Variants in LRRTM4 observed in about 807,000 individuals in gnomAD.
LRRTM4 encodes the protein leucine-rich repeat transmembrane neuronal protein 4.
In LRRTM4, 25 loss-of-function variants were observed where a neutral mutation model predicts 47.6. That is an observed-to-expected ratio of 0.53 (90% confidence interval 0.38 to 0.73). The LOEUF (loss-of-function observed/expected upper bound fraction) is 0.73, where lower values mean the gene tolerates loss of function less well. LRRTM4 is among the 30% of genes least tolerant of loss of function. LRRTM4 has a pLI of 0.00. For synonymous variants in LRRTM4, 311 were observed against 269.5 expected (o/e 1.15, Z -1.51); for missense variants, 638 against 713.4 (o/e 0.89, Z 1.20).
At chr2:77,327,798 G>A (rs1670832634) in intron 3 of LRRTM4, among the ~76,000 whole-genome samples, 1 of 151,790 alleles carries the variant, frequency 6.6e-6, no homozygotes, top group Admixed American at 6.6e-5. Context: ...AAAAATGTAA[G>A]TATGACTTAG....
At chr2:76,749,060 AATG>A (rs977774166) in intron 3 of LRRTM4, 144 bp from the exon 4 acceptor site, 16 of 649,794 alleles carry the variant, frequency 2.5e-5, no homozygotes, top group East Asian at 8.2e-5. Context: ...ACATTAACAA[AATG>A]ATGATTACTA....
intron 3 of LRRTM4, among the ~76,000 whole-genome samples, chr2:76,753,538 ATTTT>A (rs1035755055): frequency 1.3e-5 from 2 of 152,026 alleles, no homozygotes; most frequent in African/African-American, 4.8e-5. Context: ...CAGCTCGAGT[ATTTT>A]TTTCTTCAAA....
At chr2:76,839,796 TTTTA>T (rs1346312145) in intron 3 of LRRTM4, among the ~76,000 whole-genome samples, 1 of 152,148 alleles carries the variant, frequency 6.6e-6, no homozygotes, top group Non-Finnish European at 1.5e-5. Flanking sequence ...CTAAATACAA[TTTTA>T]TTTTTTTTAA....
At chr2:76,956,799 G>C (rs181805745) in intron 3 of LRRTM4, among the ~76,000 whole-genome samples, 17 of 151,354 alleles carry the variant, frequency 1.1e-4, no homozygotes, top group African/African-American at 3.6e-4. Context: ...GATTTCAAGA[G>C]ATTACTATGA....
chr2:76,839,753 G>T (rs934098717), intron 3 of LRRTM4, among the ~76,000 whole-genome samples: 15 of 152,000 alleles, frequency 9.9e-5, no homozygotes, highest in African/African-American at 3.1e-4. Flanking sequence ...GTTTGTTTAT[G>T]ATTCTAATAC....
intron 3 of LRRTM4, among the ~76,000 whole-genome samples, chr2:76,991,328 A>G (rs1677001870): frequency 6.6e-6 from 1 of 151,756 alleles, no homozygotes; most frequent in African/African-American, 2.4e-5. Context: ...AGACTCAAAA[A>G]TTCATACAAA....
chr2:77,020,363 T>C (rs1185797040), intron 3 of LRRTM4, among the ~76,000 whole-genome samples: 1 of 152,120 alleles, frequency 6.6e-6, no homozygotes, highest in East Asian at 1.9e-4. Context: ...AAAGTAATTG[T>C]GGCTTTTGAC....
intron 3 of LRRTM4, among the ~76,000 whole-genome samples, chr2:77,419,754 G>A (rs1258064365): frequency 2.0e-5 from 3 of 151,932 alleles, no homozygotes; most frequent in African/African-American, 4.8e-5. Context: ...AATAAACTTG[G>A]GTGGGGTTTC....
chr2:77,107,567 C>G (rs1236554901), intron 3 of LRRTM4, among the ~76,000 whole-genome samples: 1 of 151,790 alleles, frequency 6.6e-6, no homozygotes, highest in African/African-American at 2.4e-5. Flanking sequence ...ACCTGTAATC[C>G]CAGCACTTCG....
intron 3 of LRRTM4, among the ~76,000 whole-genome samples, chr2:76,807,445 CATATATATATATACAT>C (rs1670541691): frequency 1.4e-5 from 1 of 69,308 alleles, no homozygotes; most frequent in Admixed American, 1.6e-4. Context: ...TACGTATATA[CATATATATATATACAT>C]ATATATATAC....
At chr2:77,157,567 GT>G (rs1042947832) in intron 3 of LRRTM4, among the ~76,000 whole-genome samples, 1 of 151,802 alleles carries the variant, frequency 6.6e-6, no homozygotes, top group Non-Finnish European at 1.5e-5. Context: ...TATGAGTATA[GT>G]TTTTTTTGAT....
chr2:77,077,492 C>T (rs1680377102), intron 3 of LRRTM4, among the ~76,000 whole-genome samples: 2 of 152,062 alleles, frequency 1.3e-5, no homozygotes, highest in Admixed American at 6.5e-5. Flanking sequence ...ATGAATATAT[C>T]TCCTTTAGAC....
rs182578445 is a variant in LRRTM4, at chr2:76,842,013, G to A, written c.1552-93097C>T. 1.2e-3 allele frequency among the ~76,000 whole-genome samples: 182 copies of A among 152,256 alleles called. 4 individuals are homozygous for A. The East Asian group carries it at 0.03, about 25-fold the overall frequency. ...TAGACTGAGCTACTGGATGTCCAGAGAGCTGGTTAAACATTATTTCTGGGT... is the reference window on the plus strand; with the variant it reads ...TAGACTGAGCTACTGGATGTCCAGAAAGCTGGTTAAACATTATTTCTGGGT... On this transcript the variant is annotated intron_variant, in intron 3 of 3. Coordinates refer to ENST00000409884, the MANE Select transcript of LRRTM4 (RefSeq NM_001134745.3).
At chr2:76,985,569 T>C (rs1295085562) in intron 3 of LRRTM4, among the ~76,000 whole-genome samples, 1 of 151,968 alleles carries the variant, frequency 6.6e-6, no homozygotes, top group African/African-American at 2.4e-5. Flanking sequence ...AGACTAAAGT[T>C]GCTAGCTGCT....
intron 3 of LRRTM4, among the ~76,000 whole-genome samples, chr2:77,199,861 C>T (rs1374257190): frequency 6.6e-6 from 1 of 151,818 alleles, no homozygotes; most frequent in African/African-American, 2.4e-5. Flanking sequence ...ATGCCATAAC[C>T]AAGAGAAAGT....
At chr2:76,956,926 A>G (rs1675694041) in intron 3 of LRRTM4, among the ~76,000 whole-genome samples, 1 of 151,598 alleles carries the variant, frequency 6.6e-6, no homozygotes, top group African/African-American at 2.4e-5. Flanking sequence ...CTAGTAAGAA[A>G]GTTGAATAAG....
chr2:77,116,354 A>T (rs948194051), intron 3 of LRRTM4, among the ~76,000 whole-genome samples: 1 of 152,146 alleles, frequency 6.6e-6, no homozygotes, highest in African/African-American at 2.4e-5. Context: ...TTTAACAGAA[A>T]TATAAGAACT....
chr2:76,926,088 A>C (rs1674581025), intron 3 of LRRTM4, among the ~76,000 whole-genome samples: 1 of 152,150 alleles, frequency 6.6e-6, no homozygotes, highest in Non-Finnish European at 1.5e-5. Flanking sequence ...TGTTACTCTA[A>C]GTGAATTTGT....
intron 3 of LRRTM4, among the ~76,000 whole-genome samples, chr2:76,749,626 A>G (rs766780422): frequency 6.6e-5 from 10 of 152,180 alleles, no homozygotes; most frequent in Non-Finnish European, 1.3e-4. Flanking sequence ...GTAACAAGCC[A>G]AATATGTGTC....
Sources: allele counts gnomAD v4.1 joint callset (sites outside exome capture counted in the v4.1 genomes callset), GRCh38; gene constraint gnomAD v4.1.1; transcripts MANE v1.5; gene names NCBI Gene and HGNC (gene_info 2026-07-23, HGNC 2026-07-21).